Variants in NBAS observed in about 807,000 individuals in gnomAD.
The protein encoded by NBAS is NAG/BC035112 fusion.
NBAS carries 219 observed loss-of-function variants against 302.5 expected under a neutral mutation model. The ratio of observed to expected loss-of-function variants is 0.72; its 90% CI spans 0.65 to 0.81. NBAS has a LOEUF of 0.81. Among genes scored for constraint, NBAS ranks in the 30% least tolerant of loss-of-function variants. The pLI, the probability that NBAS is intolerant of heterozygous loss-of-function variation, is 0.00. For missense variants in NBAS, 2,932 were observed against 2,841.6 expected (o/e 1.03, Z -0.72); for synonymous variants, 1,118 against 1,021.6 (o/e 1.09, Z -1.80).
At position 15,238,543 on chromosome 2, in the gene NBAS, A is replaced by G. The variant is rs746637009; in HGVS notation, c.5868T>C (p.Asn1956=). ...GGTGGGCAAGTGATTTCTCCAGATG[A>G]TTCAAAGTATCTGCATAGGTAACTT... ...DSKVTYADTL[N]HLEKSLAHLE... Residue 1956 remains asparagine, a synonymous_variant, in exon 45 of 52, where the codon AAT becomes AAC. Transcript: ENST00000281513. The G allele has an allele frequency of 1.7e-5, 27 of 1,614,058 alleles. No homozygotes were observed. In the Admixed American group the frequency reaches 2.7e-4, roughly 16 times the overall value.
the NBAS span, among the ~76,000 whole-genome samples, chr2:14,932,954 T>C: frequency 2.0e-5 from 3 of 152,218 alleles, no homozygotes; most frequent in Non-Finnish European, 2.9e-5. Context: ...TACTAAGTAT[T>C]GTTAAGGCAG....
At chr2:15,166,061 G>T (rs1045327092), downstream of NBAS, among the ~76,000 whole-genome samples, 12 of 152,180 alleles carry the variant, frequency 7.9e-5, no homozygotes, top group Admixed American at 7.2e-4. Flanking sequence ...GTCTCAGGGG[G>T]GGCGAAGTCT....
downstream of NBAS, among the ~76,000 whole-genome samples, chr2:15,163,044 C>T (rs1663932236): frequency 6.6e-6 from 1 of 152,212 alleles, no homozygotes; most frequent in South Asian, 2.1e-4. Flanking sequence ...ACGGGCCTGC[C>T]GCTATTCAGA....
chr2:15,340,225 G>C (rs1321924346), intron 35 of NBAS, among the ~76,000 whole-genome samples: 1 of 152,100 alleles, frequency 6.6e-6, no homozygotes, highest in Non-Finnish European at 1.5e-5. Flanking sequence ...ATGACTCTAG[G>C]GGAGATATGA....
intron 11 of NBAS, among the ~76,000 whole-genome samples, chr2:15,501,008 AAAG>A (rs1661517396): frequency 6.6e-6 from 1 of 151,918 alleles, no homozygotes; most frequent in African/African-American, 2.4e-5. Context: ...TACTCTTTTA[AAAG>A]ATAATACTGG....
Position 15,431,911 on chromosome 2 carries a change from G to A in NBAS, c.2340-4117C>T, listed in dbSNP as rs192641348. 1.3e-4 allele frequency among the ~76,000 whole-genome samples: 20 copies of A among 152,000 alleles called. No individual in the cohort carries two copies. The East Asian group carries it at 3.9e-3, about 29-fold the overall frequency. On this transcript the variant is annotated intron_variant, in intron 21 of 51. Transcript: ENST00000281513. ...CTTTACATTACAAATTAATTGATTG[G>A]TTCTGTTCTTACCTTTTAAAAACTG...
At chr2:14,994,185 A>G in the NBAS span, among the ~76,000 whole-genome samples, 1 of 152,226 alleles carries the variant, frequency 6.6e-6, no homozygotes, top group Admixed American at 6.5e-5. Flanking sequence ...CATGTGCTCA[A>G]TAAGTGTATG....
chr2:15,485,115 T>A (rs1210979752), intron 12 of NBAS, among the ~76,000 whole-genome samples: 2 of 151,320 alleles, frequency 1.3e-5, no homozygotes, highest in Admixed American at 6.6e-5. Flanking sequence ...AAGCTAAGGG[T>A]TTACCAATGA....
Position 15,356,324 on chromosome 2 carries a change from A to C in NBAS, c.3910T>G (p.Cys1304Gly), listed in dbSNP as rs1673617931. 2 of 1,613,688 alleles carry C rather than the reference A, an allele frequency of 1.2e-6. No individual in the cohort carries two copies. The highest frequency in any genetic ancestry group is 1.7e-5 in the Admixed American group (1 of 59,986). ...TCACCTGTGGCCATCAGCTCCTGAC[A>C]ATGCATACTGGCTGCTTTGTAGTCA... Reference protein sequence around the residue: ...FHDYKAASMHCQELMATGYPK... With the variant: ...FHDYKAASMHGQELMATGYPK... Residue 1304 changes from cysteine (C) to glycine (G), a missense_variant, in exon 33 of 52, where the codon TGT becomes GGT. Cys to Gly is a radical substitution (Grantham distance 159). Transcript: ENST00000281513.
chr2:15,102,680 C>G, the NBAS span, among the ~76,000 whole-genome samples: 1 of 152,244 alleles, frequency 6.6e-6, no homozygotes, highest in East Asian at 1.9e-4. Flanking sequence ...TGTTCTTCCA[C>G]TACTCTTACC....
At chr2:14,806,349 G>A in the NBAS span, among the ~76,000 whole-genome samples, 1 of 152,136 alleles carries the variant, frequency 6.6e-6, no homozygotes, top group Non-Finnish European at 1.5e-5. Flanking sequence ...GTGTGAATAT[G>A]TGCATATCTG....
chr2:15,403,717 A>T (rs1309534788), intron 25 of NBAS, among the ~76,000 whole-genome samples: 1 of 152,184 alleles, frequency 6.6e-6, no homozygotes, highest in Non-Finnish European at 1.5e-5. Context: ...GAACGTATTC[A>T]TCTGAAAAAT....
At chr2:15,231,125 A>G (rs1290543436) in intron 47 of NBAS, among the ~76,000 whole-genome samples, 1 of 152,216 alleles carries the variant, frequency 6.6e-6, no homozygotes, top group Non-Finnish European at 1.5e-5. Flanking sequence ...TCTTATCCAT[A>G]TGACTCCTTT....
chr2:15,516,877 C>A (rs1662418227), intron 9 of NBAS, among the ~76,000 whole-genome samples: 1 of 152,030 alleles, frequency 6.6e-6, no homozygotes, highest in African/African-American at 2.4e-5. Flanking sequence ...AAAAAGAAAT[C>A]CAAAAGCCAA....
chr2:14,992,635 C>CTG, the NBAS span, among the ~76,000 whole-genome samples: 1 of 152,220 alleles, frequency 6.6e-6, no homozygotes, highest in Non-Finnish European at 1.5e-5. Context: ...AGCCCCGAAT[C>CTG]TGTGTATTTT....
intron 6 of NBAS, among the ~76,000 whole-genome samples, chr2:15,540,704 T>C (rs558779989): frequency 7.0e-6 from 1 of 143,446 alleles, no homozygotes; most frequent in East Asian, 2.0e-4. Context: ...AGCAAATATA[T>C]GCCTTTTGTT....
the NBAS span, among the ~76,000 whole-genome samples, chr2:14,872,646 C>CT: frequency 6.6e-6 from 1 of 151,972 alleles, no homozygotes; most frequent in Non-Finnish European, 1.5e-5. Context: ...TGTTACAGCA[C>CT]TTAAAGGCAG....
intron 44 of NBAS, among the ~76,000 whole-genome samples, chr2:15,244,906 C>T (rs563285128): frequency 2.0e-5 from 3 of 152,164 alleles, no homozygotes; most frequent in South Asian, 4.1e-4. Flanking sequence ...GCTAGGTGGG[C>T]CCATGAAACG....
chr2:15,057,327 A>AG, the NBAS span, among the ~76,000 whole-genome samples: 2 of 151,112 alleles, frequency 1.3e-5, no homozygotes, highest in African/African-American at 4.9e-5. Flanking sequence ...AAAAAAAAAA[A>AG]CTGTTGCAGG....
Sources: gnomAD v4.1 joint callset for allele counts (sites outside exome capture counted in the v4.1 genomes callset) on GRCh38, gnomAD v4.1.1 for gene constraint, MANE v1.5 for transcripts, NCBI Gene and HGNC (gene_info 2026-07-23, HGNC 2026-07-21) for gene names.